The following SLC25A23 variants were observed in gnomAD, a reference collection of about 807,000 sequenced individuals.
The protein encoded by SLC25A23 is solute carrier family 25 member 23, also known as mitochondrial adenyl nucleotide antiporter SLC25A23.
SLC25A23 carries 32 observed loss-of-function variants against 53.9 expected under a neutral mutation model. That is an observed-to-expected ratio of 0.59 (90% CI 0.45 to 0.80). The LOEUF (loss-of-function observed/expected upper bound fraction) is 0.80. SLC25A23 is among the 30% of genes least tolerant of loss of function. The pLI is 0.00. For synonymous variants in SLC25A23, 275 were observed against 264.5 expected, an observed-to-expected ratio of 1.04 and a Z score of -0.38; for missense variants, 575 against 651.4, an observed-to-expected ratio of 0.88 and a Z score of 1.28.
intron 2 of SLC25A23, 64 bp from the exon 3 acceptor site, chr19:6,457,654 C>G: frequency 7.1e-7 from 1 of 1,413,874 alleles, no homozygotes; most frequent in Non-Finnish European, 1.0e-6. Context: ...ACCCCAGGAC[C>G]AAGGATCAGA....
In SLC25A23 at chr19:6,459,073, G is replaced by A. The variant is rs543940904; in HGVS notation, c.156+400C>T. On this transcript the variant is annotated intron_variant, in intron 1 of 9. Transcript: ENST00000301454. This position sits in a 1 kb window ranked among gnomAD's most constrained non-coding sequence, Gnocchi z 4.6. ...GCCAGGGAATGTAAACACAGGGATCGGGGCAGCTGCAGGCCAGGGCAGTAG... is the reference window on the plus strand; with the variant it reads ...GCCAGGGAATGTAAACACAGGGATCAGGGCAGCTGCAGGCCAGGGCAGTAG... 6.6e-6 allele frequency among the ~76,000 whole-genome samples: 1 copy of A among 152,312 alleles called. No individual in the cohort carries two copies. The highest frequency in any genetic ancestry group is 6.5e-5 in the Admixed American group (1 of 15,308).
At chr19:6,439,397 T>TCACACA (rs1030315290), downstream of SLC25A23, among the ~76,000 whole-genome samples, 87 of 104,216 alleles carry the variant, frequency 8.3e-4, no homozygotes, top group African/African-American at 2.7e-3. Flanking sequence ...TCTCTCTCTC[T>TCACACA]CTCACACACA....
chr19:6,454,551 C>T lies in SLC25A23; in HGVS notation c.642+8G>A, dbSNP rs374018344. 28 of 1,613,312 alleles carry T rather than the reference C, an allele frequency of 1.7e-5. No homozygotes were observed. In the African/African-American group the frequency reaches 3.6e-4, roughly 21 times the overall value. On this transcript the variant is annotated splice_region_variant and intron_variant, in intron 5 of 9. Coordinates refer to ENST00000301454, the MANE Select transcript of SLC25A23 (RefSeq NM_024103.3). The surrounding 1 kb of genome is among the most constrained non-coding windows in gnomAD (Gnocchi z 4.3). Reference sequence around the variant, plus strand: ...GGGGAGGGGGCAGGTCTCTCCAGAGCCCCTCACCTGCATGAAGACCTTGAG... The same window carrying T: ...GGGGAGGGGGCAGGTCTCTCCAGAGTCCCTCACCTGCATGAAGACCTTGAG...
intron 8 of SLC25A23, among the ~76,000 whole-genome samples, chr19:6,451,025 C>T (rs7247552): frequency 0.022 from 3,330 of 151,194 alleles, 122 homozygotes; most frequent in African/African-American, 0.078. Flanking sequence ...CTGCAGTGGG[C>T]CGAGATCGCG....
Position 6,441,996 on chromosome 19 carries a change from G to A in SLC25A23, c.1386C>T (p.Ala462=). 6.2e-7 allele frequency: 1 copy of A among 1,613,880 alleles called. No individual in the cohort carries two copies. Among genetic ancestry groups the A allele is most frequent in the Non-Finnish European group, 8.5e-7 (1 of 1,179,920 alleles). The change falls in exon 10 of 10, where the codon GCC becomes GCT. Residue 462 remains alanine, a synonymous_variant. Transcript: ENST00000301454. The stretch of plus-strand genomic sequence containing the variant: ...TCCCTCACCTGGACGTGACCCCCAA[G>A]GCCTGCTTCATGTTCTCGTAGACCA... ...SYVVYENMKQ[A]LGVTSR is the part of the protein sequence containing the mutation.
At position 6,459,639 on chromosome 19, in the gene SLC25A23, CG is replaced by C. The variant is rs747909529; in HGVS notation, c.-12del. 58 of 1,435,874 alleles carry C rather than the reference CG, an allele frequency of 4.0e-5. No individual in the cohort carries two copies. The highest frequency in any genetic ancestry group is 2.0e-4 in the South Asian group (13 of 66,654). The allele number at this position is 1,435,874 out of a possible 1,614,324, so 88.9% of individuals were successfully genotyped here. A position where few individuals can be genotyped will look rare whatever the true frequency, so the allele number is the denominator to read the frequency against. On this transcript the variant is annotated 5_prime_UTR_variant, in exon 1 of 10. Transcript: ENST00000301454. This position sits in a 1 kb window ranked among gnomAD's most constrained non-coding sequence, Gnocchi z 4.6. ...CGGGCTCCCCCGCATGGCGCCCGCC[CG>C]GGGGGGAGGGGAGGCCCGGCAGCGG...
chr19:6,459,752 G>A lies in SLC25A23; in HGVS notation c.-124C>T, dbSNP rs1031531397. Reference sequence around the variant, plus strand: ...CGCGGCCGCCGGCTCCGCAGCCTCCGCGCAGTCCGCTCGGCTCTGGCACTT... The same window carrying A: ...CGCGGCCGCCGGCTCCGCAGCCTCCACGCAGTCCGCTCGGCTCTGGCACTT... On this transcript the variant is annotated 5_prime_UTR_variant, in exon 1 of 10. Transcript: ENST00000301454. This position sits in a 1 kb window ranked among gnomAD's most constrained non-coding sequence, Gnocchi z 4.6. The A allele has an allele frequency of 1.3e-6, 1 of 794,444 alleles. No homozygotes were observed. The allele number at this position is 794,444 out of a possible 1,614,324, so 49.2% of individuals were successfully genotyped here. A position where few individuals can be genotyped will look rare whatever the true frequency, so the allele number is the denominator to read the frequency against.
downstream of SLC25A23, chr19:6,436,496 G>GAA (rs1568354424): frequency 2.3e-6 from 1 of 442,296 alleles, no homozygotes; most frequent in Non-Finnish European, 4.5e-6. Flanking sequence ...TGAGAAAGGG[G>GAA]GAGAGAGAGA....
chr19:6,437,496 C>T (rs747628282), downstream of SLC25A23, among the ~76,000 whole-genome samples: 41 of 152,234 alleles, frequency 2.7e-4, no homozygotes, highest in South Asian at 6.2e-4. Flanking sequence ...TGCCCTAATC[C>T]GATGACTGCT....
chr19:6,458,394 C>T (rs1041335785), intron 1 of SLC25A23, 70 bp from the exon 2 acceptor site: 8 of 1,532,380 alleles, frequency 5.2e-6, no homozygotes, highest in African/African-American at 1.4e-5. Context: ...CGCATGTCAC[C>T]TTATGCCTTA....
In SLC25A23 at chr19:6,454,914, A is replaced by G. The variant is rs2092656116; in HGVS notation, c.484-197T>C. 2.6e-5 allele frequency among the ~76,000 whole-genome samples: 4 copies of G among 152,118 alleles called. No individual in the cohort carries two copies. Among genetic ancestry groups the G allele is most frequent in the Admixed American group, 1.3e-4 (2 of 15,270 alleles). ...GCATCTAACCTAGCAGCCTCCTTAG[A>G]AGATCCCAATATCCTACTAAATCCC... On this transcript the variant is annotated intron_variant, in intron 4 of 9. Coordinates refer to ENST00000301454, the MANE Select transcript of SLC25A23 (RefSeq NM_024103.3). The surrounding 1 kb of genome is among the most constrained non-coding windows in gnomAD (Gnocchi z 4.3).
intron 8 of SLC25A23, among the ~76,000 whole-genome samples, chr19:6,445,917 ACAAAC>A (rs1046866112): frequency 1.3e-4 from 18 of 138,996 alleles, no homozygotes; most frequent in African/African-American, 6.1e-4. Context: ...AAACAAACAA[ACAAAC>A]AAAAAAAAAC....
In SLC25A23 at chr19:6,444,167, G is replaced by A; in HGVS notation, c.1206C>T (p.Thr402=). The change falls in exon 9 of 10, where the codon ACC becomes ACT. Residue 402 remains threonine, a synonymous_variant. Coordinates refer to ENST00000301454, the MANE Select transcript of SLC25A23 (RefSeq NM_024103.3). ...AGGCCTCACCTTGTGCCTGCATGCG[G>A]GTCCGGACCAGGGCCAGCGGGTAAC... The part of the protein sequence containing the change: ...IASYPLALVR[T]RMQAQASIEG... The A allele has an allele frequency of 6.3e-7, 1 of 1,590,934 alleles. No individual in the cohort carries two copies. Among genetic ancestry groups the A allele is most frequent in the Non-Finnish European group, 8.6e-7 (1 of 1,167,678 alleles).
At chr19:6,446,946 C>T (rs181962088) in intron 8 of SLC25A23, among the ~76,000 whole-genome samples, 13 of 152,110 alleles carry the variant, frequency 8.5e-5, no homozygotes, top group Admixed American at 2.0e-4. Context: ...CAGGTGACAG[C>T]GGAGGCAGAG....
Position 6,454,264 on chromosome 19 carries a change from T to C in SLC25A23, c.795+59A>G. ...CACCCCCAAGCCAATCCCGTAAATC[T>C]TTATGTACAGCCCAGTCTTCCCTAT... On this transcript the variant is annotated intron_variant, in intron 6 of 9. Transcript: ENST00000301454. The surrounding 1 kb of genome is among the most constrained non-coding windows in gnomAD (Gnocchi z 4.3). The C allele has an allele frequency of 6.4e-7, 1 of 1,570,944 alleles. No individual in the cohort carries two copies. Among genetic ancestry groups the C allele is most frequent in the Non-Finnish European group, 8.7e-7 (1 of 1,156,016 alleles).
intron 8 of SLC25A23, among the ~76,000 whole-genome samples, chr19:6,449,857 C>CTTTTTT (rs142681286): frequency 5.5e-5 from 7 of 127,170 alleles, no homozygotes; most frequent in African/African-American, 7.9e-5. Flanking sequence ...ACTCACAACT[C>CTTTTTT]TTTTTTTTTT....
At chr19:6,451,296 G>A (rs758465446) in intron 8 of SLC25A23, among the ~76,000 whole-genome samples, 3 of 151,924 alleles carry the variant, frequency 2.0e-5, no homozygotes, top group Non-Finnish European at 2.9e-5. Context: ...GACTGAGGCA[G>A]GAGAATTGCT....
At position 6,454,592 on chromosome 19, in the gene SLC25A23, C is replaced by T. The variant is rs377109434; in HGVS notation, c.609G>A (p.Thr203=). 66 of 1,613,606 alleles carry T rather than the reference C, an allele frequency of 4.1e-5. No individual in the cohort carries two copies. Among genetic ancestry groups the T allele is most frequent in the Middle Eastern group, 1.6e-4 (1 of 6,084 alleles). ...AVAGAVSRTG[T]APLDRLKVFM... ...AGACCTTGAGGCGGTCCAGAGGGGCCGTGCCTGTCCGTGACACGGCACCTG... is the reference window on the plus strand; with the variant it reads ...AGACCTTGAGGCGGTCCAGAGGGGCTGTGCCTGTCCGTGACACGGCACCTG... Residue 203 remains threonine (T), a synonymous_variant, in exon 5 of 10, where the codon ACG becomes ACA. Coordinates refer to ENST00000301454, the MANE Select transcript of SLC25A23 (RefSeq NM_024103.3). This position sits in a 1 kb window ranked among gnomAD's most constrained non-coding sequence, Gnocchi z 4.3.
chr19:6,443,687 A>G, intron 9 of SLC25A23: 1 of 691,992 alleles, frequency 1.4e-6, no homozygotes, highest in South Asian at 1.5e-5. Flanking sequence ...CACAAACACT[A>G]AAATTCTCAA....
Sources: gnomAD v4.1 joint callset for allele counts (sites outside exome capture counted in the v4.1 genomes callset) on GRCh38, gnomAD v4.1.1 for gene constraint, Gnocchi (gnomAD v3.1) non-coding constraint, MANE v1.5 for transcripts, NCBI Gene and HGNC (gene_info 2026-07-23, HGNC 2026-07-21) for gene names.